The following MEGF9 variants were observed in gnomAD, a reference collection of about 807,000 sequenced individuals.
MEGF9 encodes the protein multiple epidermal growth factor-like domains protein 9.
MEGF9 carries 6 observed loss-of-function variants against 46.8 expected under a neutral mutation model. The ratio of observed to expected loss-of-function variants is 0.13; its 90% CI spans 0.07 to 0.25. The LOEUF (loss-of-function observed/expected upper bound fraction) is 0.25. Among genes scored for constraint, MEGF9 ranks in the 10% least tolerant of loss-of-function variants. The pLI is 1.00. For missense variants in MEGF9, 683 were observed against 792.4 expected (o/e 0.86, Z 1.66); for synonymous variants, 302 against 330.7 (o/e 0.91, Z 0.94).
chr9:120,669,687 T>C (rs1007151740), intron 1 of MEGF9, among the ~76,000 whole-genome samples: 1 of 152,038 alleles, frequency 6.6e-6, no homozygotes, highest in Non-Finnish European at 1.5e-5. Context: ...TACCATAGTC[T>C]CAAAATACAT....
intron 1 of MEGF9, among the ~76,000 whole-genome samples, chr9:120,708,889 C>T (rs1222870973): frequency 6.6e-6 from 1 of 152,138 alleles, no homozygotes; most frequent in Non-Finnish European, 1.5e-5. Flanking sequence ...GAAGACTCAC[C>T]TAGCACATAT....
intron 1 of MEGF9, among the ~76,000 whole-genome samples, chr9:120,711,101 T>G (rs2043950880): frequency 6.6e-6 from 1 of 152,230 alleles, no homozygotes. Flanking sequence ...TTTACTGCAG[T>G]GTATACTGAA....
chr9:120,609,719 T>C (rs1465498603), intron 4 of MEGF9, among the ~76,000 whole-genome samples: 1 of 152,130 alleles, frequency 6.6e-6, no homozygotes, highest in African/African-American at 2.4e-5. Flanking sequence ...TTAAATCTGC[T>C]AGATAGATTA....
chr9:120,642,759 A>G (rs557453044), intron 2 of MEGF9, among the ~76,000 whole-genome samples: 1 of 152,368 alleles, frequency 6.6e-6, no homozygotes, highest in East Asian at 1.9e-4. Flanking sequence ...AAACTTAATT[A>G]AAGTAATGGT....
chr9:120,618,925 T>C (rs1333003544), intron 3 of MEGF9, among the ~76,000 whole-genome samples: 1 of 151,918 alleles, frequency 6.6e-6, no homozygotes. Flanking sequence ...TTTTAGTACT[T>C]CTCTTTGTAA....
In MEGF9 at chr9:120,605,085, T is replaced by A; in HGVS notation, c.*105A>T. ...ACCTGAAAATTTCAGATGCACTATT[T>A]GCCTTTGCTTTCTCAGCAAACTCTA... On this transcript the variant is annotated 3_prime_UTR_variant, in exon 6 of 6. Coordinates refer to ENST00000373930, the MANE Select transcript of MEGF9 (RefSeq NM_001080497.3). This position sits in a 1 kb window ranked among gnomAD's most constrained non-coding sequence, Gnocchi z 4.0. The A allele has an allele frequency of 8.8e-7, 1 of 1,141,354 alleles. No homozygotes were observed. Among genetic ancestry groups the A allele is most frequent in the South Asian group, 1.5e-5 (1 of 65,760 alleles). The allele number at this position is 1,141,354 out of a possible 1,614,324, so 70.7% of individuals were successfully genotyped here. A position where few individuals can be genotyped will look rare whatever the true frequency, so the allele number is the denominator to read the frequency against.
chr9:120,612,046 T>C (rs1286239236), intron 4 of MEGF9, among the ~76,000 whole-genome samples: 1 of 152,172 alleles, frequency 6.6e-6, no homozygotes, highest in East Asian at 1.9e-4. Context: ...CTAATATATA[T>C]ATCAGGATTA....
chr9:120,659,633 A>C, intron 1 of MEGF9, 58 bp from the exon 2 acceptor site: 1 of 1,291,044 alleles, frequency 7.7e-7, no homozygotes, highest in Non-Finnish European at 1.1e-6. Context: ...CCTCTTAATA[A>C]AATGAACTCT....
At chr9:120,652,171 CACACACACACAAAA>C (rs1332470978) in intron 2 of MEGF9, among the ~76,000 whole-genome samples, 1 of 36,428 alleles carries the variant, frequency 2.7e-5, no homozygotes, top group African/African-American at 1.0e-4. Flanking sequence ...CACACACACA[CACACACACACAAAA>C]AAAAAAAAAA....
chr9:120,667,320 T>C lies in MEGF9; in HGVS notation c.602-7745A>G, dbSNP rs1453189695. Among the ~76,000 whole-genome samples the C allele has an allele frequency of 2.0e-5, 3 of 152,228 alleles. No homozygotes were observed. The South Asian group carries it at 6.2e-4, about 32-fold the overall frequency. ...TTGTGGAACATTTTAGTATTTAAAA[T>C]GCTATTTTACTAAAAGGAGTACAAT... On this transcript the variant is annotated intron_variant, in intron 1 of 5. Coordinates refer to ENST00000373930, the MANE Select transcript of MEGF9 (RefSeq NM_001080497.3).
At chr9:120,684,856 CG>C (rs1277688264) in intron 1 of MEGF9, among the ~76,000 whole-genome samples, 1 of 149,814 alleles carries the variant, frequency 6.7e-6, no homozygotes, top group African/African-American at 2.5e-5. Flanking sequence ...TTTTTTGAGA[CG>C]GAGTCTCGCT....
intron 1 of MEGF9, among the ~76,000 whole-genome samples, chr9:120,705,260 G>A (rs1224599773): frequency 6.6e-6 from 1 of 151,954 alleles, no homozygotes; most frequent in Non-Finnish European, 1.5e-5. Context: ...CACAGAGAAA[G>A]ACAGATTTTG....
intron 2 of MEGF9, among the ~76,000 whole-genome samples, chr9:120,638,350 T>G (rs914801258): frequency 6.6e-6 from 1 of 152,230 alleles, no homozygotes; most frequent in Non-Finnish European, 1.5e-5. Context: ...AATTAACTTG[T>G]AGTGCCTATA....
chr9:120,605,758 C>T lies in MEGF9; in HGVS notation c.1358-117G>A, dbSNP rs2043417914. The T allele has an allele frequency of 1.3e-6, 1 of 753,492 alleles. No individual in the cohort carries two copies. Among genetic ancestry groups the T allele is most frequent in the Non-Finnish European group, 2.1e-6 (1 of 468,962 alleles). 46.7% of individuals were successfully genotyped at this position (753,492 alleles called of 1,614,324 possible). ...TGTAGGATGTTAACATGATATTCTG[C>T]TTTAAGGTAATGCAAGTTAAAAATA... On this transcript the variant is annotated intron_variant, in intron 5 of 5. Coordinates refer to ENST00000373930, the MANE Select transcript of MEGF9 (RefSeq NM_001080497.3). The surrounding 1 kb of genome is among the most constrained non-coding windows in gnomAD (Gnocchi z 4.0).
Position 120,612,527 on chromosome 9 carries a change from T to C in MEGF9, c.956A>G (p.Asn319Ser). 1.9e-6 allele frequency: 3 copies of C among 1,610,234 alleles called. No individual in the cohort carries two copies. The highest frequency in any genetic ancestry group is 2.5e-6 in the Non-Finnish European group (3 of 1,178,488). The change falls in exon 4 of 6, where the codon AAC becomes AGC. Residue 319 changes from asparagine (N) to serine (S), a missense_variant. Asn to Ser is a conservative substitution (Grantham distance 46, BLOSUM62 1). This residue lies in a region of MEGF9 where 313 missense variants were observed against 421.1 expected (regional missense o/e 0.74). Transcript: ENST00000373930. ...SCDALTGACL[N>S]CQENSKGNHC... ...ATTTCCTTTGCTATTTTCCTGGCAG[T>C]TTAAACAAGCACCTAAAAGAAGCAA...
chr9:120,666,821 A>G (rs1256643074), intron 1 of MEGF9, among the ~76,000 whole-genome samples: 1 of 152,204 alleles, frequency 6.6e-6, no homozygotes, highest in African/African-American at 2.4e-5. Flanking sequence ...AATAAAAAGG[A>G]ATAAACCACT....
intron 1 of MEGF9, among the ~76,000 whole-genome samples, chr9:120,706,016 G>A (rs16910082): frequency 0.016 from 2,418 of 152,108 alleles, 63 homozygotes; most frequent in African/African-American, 0.055. Flanking sequence ...AGCTAAACAA[G>A]GTCTTACATT....
At chr9:120,622,866 C>A in intron 2 of MEGF9, 111 bp from the exon 3 acceptor site, 2 of 1,044,856 alleles carry the variant, frequency 1.9e-6, no homozygotes, top group South Asian at 3.6e-5. Context: ...TATATACTTA[C>A]CATATCTCAA....
At chr9:120,686,292 G>A (rs1359668900) in intron 1 of MEGF9, among the ~76,000 whole-genome samples, 1 of 151,986 alleles carries the variant, frequency 6.6e-6, no homozygotes, top group Non-Finnish European at 1.5e-5. Flanking sequence ...GGGTTTCACT[G>A]TGGTCTCAAT....
Sources: allele counts gnomAD v4.1 joint callset (sites outside exome capture counted in the v4.1 genomes callset), GRCh38; gene constraint gnomAD v4.1.1; regional missense constraint gnomAD v4.1.1; non-coding constraint Gnocchi (gnomAD v3.1); transcripts MANE v1.5; gene names NCBI Gene and HGNC (gene_info 2026-07-23, HGNC 2026-07-21).